Variants in DACH1 observed in about 807,000 individuals in gnomAD.
The protein encoded by DACH1 is dachshund homolog 1.
A neutral mutation model predicts 54.2 loss-of-function variants in DACH1; 12 were observed. The observed-to-expected ratio is 0.22, with a 90% CI of 0.14 to 0.36. DACH1 has a LOEUF of 0.36. DACH1 is among the 10% of genes least tolerant of loss of function. The pLI, the probability that DACH1 is intolerant of heterozygous loss-of-function variation, is 1.00. For missense variants in DACH1, 805 were observed against 929.8 expected, an observed-to-expected ratio of 0.87 and a Z score of 1.75; for synonymous variants, 386 against 366.2, an observed-to-expected ratio of 1.05 and a Z score of -0.62.
chr13:71,526,890 G>A (rs1456952261), intron 6 of DACH1, among the ~76,000 whole-genome samples: 1 of 151,746 alleles, frequency 6.6e-6, no homozygotes. Context: ...TTCCTGAGCT[G>A]TCTCCTTCAG....
chr13:71,692,010 TACACACACACACACAC>T (rs34800453), intron 1 of DACH1, among the ~76,000 whole-genome samples: 3 of 140,120 alleles, frequency 2.1e-5, no homozygotes, highest in African/African-American at 7.9e-5. Flanking sequence ...AGCCCCCCAT[TACACACACACACACAC>T]ACACACACAC....
chr13:71,698,640 A>T (rs1881951372), intron 1 of DACH1, among the ~76,000 whole-genome samples: 1 of 152,182 alleles, frequency 6.6e-6, no homozygotes, highest in Admixed American at 6.5e-5. Flanking sequence ...AGTCATTAAA[A>T]TATATATTAT....
Position 71,806,237 on chromosome 13 carries a change from G to A in DACH1, c.848+59685C>T, listed in dbSNP as rs577003467. ...AAAATCTGAGGCTATTTGAGGAAATGTCGTTCTAGATTATTTTAAATTTCC... is the reference window on the plus strand; with the variant it reads ...AAAATCTGAGGCTATTTGAGGAAATATCGTTCTAGATTATTTTAAATTTCC... On this transcript the variant is annotated intron_variant, in intron 1 of 10. Coordinates refer to ENST00000613252, the MANE Select transcript of DACH1 (RefSeq NM_080759.6). Among the ~76,000 whole-genome samples, 48 of 152,272 alleles carry A rather than the reference G, an allele frequency of 3.2e-4. 2 individuals carry two copies. In the South Asian group the frequency reaches 9.7e-3, roughly 31 times the overall value.
At chr13:71,501,229 C>CA (rs1879887426) in intron 6 of DACH1, among the ~76,000 whole-genome samples, 1 of 152,142 alleles carries the variant, frequency 6.6e-6, no homozygotes, top group South Asian at 2.1e-4. Flanking sequence ...GACTGTGTAA[C>CA]ACGAGGCTGC....
chr13:71,775,914 T>A (rs1043743449), intron 1 of DACH1, among the ~76,000 whole-genome samples: 2 of 152,152 alleles, frequency 1.3e-5, no homozygotes, highest in Admixed American at 6.6e-5. Context: ...GAAGTTATGA[T>A]CCTTCACTTC....
intron 3 of DACH1, among the ~76,000 whole-genome samples, chr13:71,585,411 G>A (rs943349489): frequency 3.3e-5 from 5 of 152,160 alleles, no homozygotes; most frequent in Non-Finnish European, 5.9e-5. Flanking sequence ...AGGAAGCTGA[G>A]GTTCAGAGTG....
intron 1 of DACH1, among the ~76,000 whole-genome samples, chr13:71,812,423 A>T (rs1355759180): frequency 6.6e-6 from 1 of 152,162 alleles, no homozygotes; most frequent in African/African-American, 2.4e-5. Flanking sequence ...TATCTTGATG[A>T]ATTCAGATTA....
At chr13:71,530,705 C>T (rs1285933319) in intron 6 of DACH1, among the ~76,000 whole-genome samples, 4 of 151,902 alleles carry the variant, frequency 2.6e-5, no homozygotes, top group Non-Finnish European at 5.9e-5. Flanking sequence ...TTACATTTGC[C>T]GATCATCTTG....
In DACH1 at chr13:71,779,227, G is replaced by GTA. The variant is rs1231563725; in HGVS notation, c.848+86693_848+86694dup. On this transcript the variant is annotated intron_variant, in intron 1 of 10. Transcript: ENST00000613252. ...TATGTGTATATATATACGTATATAC[G>GTA]TATATATACACATATATACGTATAT... is the stretch of plus-strand genomic sequence containing the variant. Among the ~76,000 whole-genome samples the GTA allele has an allele frequency of 4.2e-4, 31 of 74,162 alleles. 1 individual carries two copies. Among genetic ancestry groups the GTA allele is most frequent in the Admixed American group, 1.9e-3 (13 of 6,826 alleles). 48.7% of individuals were successfully genotyped at this position (74,162 alleles called of 152,430 possible). A position where few individuals can be genotyped will look rare whatever the true frequency, so the allele number is the denominator to read the frequency against.
intron 1 of DACH1, among the ~76,000 whole-genome samples, chr13:71,739,668 G>A (rs1159566910): frequency 6.6e-6 from 1 of 152,192 alleles, no homozygotes; most frequent in Non-Finnish European, 1.5e-5. Context: ...TAGAAATAGA[G>A]CTAGGAACCT....
intron 1 of DACH1, among the ~76,000 whole-genome samples, chr13:71,844,736 T>C (rs2138245317): frequency 6.6e-6 from 1 of 152,154 alleles, no homozygotes; most frequent in South Asian, 2.1e-4. Context: ...AAACTGTTAC[T>C]ACCCACACTT....
At chr13:71,458,797 A>C (rs2138134230) in intron 10 of DACH1, among the ~76,000 whole-genome samples, 1 of 152,036 alleles carries the variant, frequency 6.6e-6, no homozygotes, top group Non-Finnish European at 1.5e-5. Flanking sequence ...ATAAAACCTG[A>C]CCTAAAATTC....
intron 6 of DACH1, among the ~76,000 whole-genome samples, chr13:71,513,418 A>C (rs1054057841): frequency 1.3e-5 from 2 of 152,020 alleles, no homozygotes; most frequent in Non-Finnish European, 2.9e-5. Flanking sequence ...CAAAAAATTC[A>C]AGTGATGAAA....
At chr13:71,804,645 A>G (rs961106985) in intron 1 of DACH1, among the ~76,000 whole-genome samples, 1 of 152,138 alleles carries the variant, frequency 6.6e-6, no homozygotes, top group Admixed American at 6.6e-5. Context: ...AAAGCGCTGC[A>G]TTTGCTCACA....
intron 1 of DACH1, among the ~76,000 whole-genome samples, chr13:71,825,016 A>G (rs1888326293): frequency 6.6e-6 from 1 of 152,136 alleles, no homozygotes; most frequent in African/African-American, 2.4e-5. Context: ...GGAGAAAGAA[A>G]TGGGAAAATC....
At chr13:71,791,090 C>A (rs900190775) in intron 1 of DACH1, among the ~76,000 whole-genome samples, 2 of 152,154 alleles carry the variant, frequency 1.3e-5, no homozygotes, top group African/African-American at 4.8e-5. Context: ...CCCAAGATAG[C>A]ATTTCTGTGT....
At chr13:71,632,161 G>A (rs1490724934) in intron 2 of DACH1, among the ~76,000 whole-genome samples, 3 of 152,054 alleles carry the variant, frequency 2.0e-5, no homozygotes, top group Admixed American at 6.6e-5. Context: ...AACAGAGTTT[G>A]AGACAAGATC....
chr13:71,450,839 A>T (rs1286524888), intron 10 of DACH1, among the ~76,000 whole-genome samples: 1 of 152,150 alleles, frequency 6.6e-6, no homozygotes, highest in Non-Finnish European at 1.5e-5. Context: ...CCACAACCTC[A>T]TCCAGAGGAA....
At chr13:71,680,030 T>G (rs1880806083) in intron 2 of DACH1, among the ~76,000 whole-genome samples, 1 of 151,772 alleles carries the variant, frequency 6.6e-6, no homozygotes, top group Admixed American at 6.6e-5. Context: ...AAGTCCCAAA[T>G]TTTCTAAACA....
Sources: gnomAD v4.1 joint callset for allele counts (sites outside exome capture counted in the v4.1 genomes callset) on GRCh38, gnomAD v4.1.1 for gene constraint, MANE v1.5 for transcripts, NCBI Gene and HGNC (gene_info 2026-07-23, HGNC 2026-07-21) for gene names.